MID2: variants seen among roughly 807,000 people sequenced by gnomAD.
The protein encoded by MID2 is probable E3 ubiquitin-protein ligase MID2.
MID2 carries 13 observed loss-of-function variants against 46.1 expected under a neutral mutation model. The ratio of observed to expected loss-of-function variants is 0.28; its 90% CI spans 0.18 to 0.45. MID2 has a LOEUF of 0.45. Among genes scored for constraint, MID2 ranks in the 20% least tolerant of loss-of-function variants. The pLI, the probability that MID2 is intolerant of heterozygous loss-of-function variation, is 1.00. For synonymous variants in MID2, 199 were observed against 212.3 expected, an observed-to-expected ratio of 0.94 and a Z score of 0.55; for missense variants, 431 against 575.4, an observed-to-expected ratio of 0.75 and a Z score of 2.57.
intron 1 of MID2, 34 bp downstream of exon 1, chrX:107,826,464 T>C (rs1218311051): frequency 8.9e-7 from 1 of 1,128,159 alleles, no homozygotes. Flanking sequence ...GCCCTGGAGG[T>C]CGAGCGTCGT....
chrX:107,907,332 C>A (rs989290987), intron 5 of MID2, among the ~76,000 whole-genome samples: 11 of 112,171 alleles, frequency 9.8e-5, no homozygotes, highest in African/African-American at 3.2e-4. Flanking sequence ...GTACTTACCT[C>A]AAAATTCCAA....
chrX:107,836,035 A>G (rs1299800589), intron 1 of MID2, among the ~76,000 whole-genome samples: 1 of 111,912 alleles, frequency 8.9e-6, no homozygotes, highest in Non-Finnish European at 1.9e-5. Flanking sequence ...GTTAATTTTT[A>G]TAAATGATAT....
At chrX:107,849,548 A>T (rs1406459771) in intron 2 of MID2, among the ~76,000 whole-genome samples, 4 of 111,743 alleles carry the variant, frequency 3.6e-5, no homozygotes, top group East Asian at 5.6e-4. Flanking sequence ...GTCTGGAAGA[A>T]GAATAGCCTG....
intron 3 of MID2, among the ~76,000 whole-genome samples, chrX:107,882,505 G>GA (rs201112582): frequency 0.035 from 3,893 of 110,213 alleles, 190 homozygotes; most frequent in African/African-American, 0.12. Flanking sequence ...AAATTTACAA[G>GA]AAAAAAAACA....
chrX:107,872,257 A>G lies in MID2; in HGVS notation c.816+17553A>G, dbSNP rs774278728. On this transcript the variant is annotated intron_variant, in intron 3 of 9. Transcript: ENST00000262843. ...GATGGCCTCTAGGTGCAAAGAAACA[A>G]GTTTTACAGGGTTAAGTATGCATGG... Among the ~76,000 whole-genome samples, 21 of 112,228 alleles carry G rather than the reference A, an allele frequency of 1.9e-4. 1 individual carries two copies. Among genetic ancestry groups the G allele is most frequent in the Admixed American group, 2.8e-4 (3 of 10,664 alleles).
chrX:107,854,764 G>A, intron 3 of MID2, 60 bp downstream of exon 3: 3 of 857,931 alleles, frequency 3.5e-6, no homozygotes, highest in Non-Finnish European at 5.2e-6. Context: ...CCCTTTGGGA[G>A]GACTTCAGTT....
At chrX:107,922,638 T>C (rs1229387184) in intron 7 of MID2, among the ~76,000 whole-genome samples, 1 of 112,051 alleles carries the variant, frequency 8.9e-6, no homozygotes, top group Non-Finnish European at 1.9e-5. Context: ...TTTTTATTGT[T>C]GTTGCTTTGT....
At chrX:107,862,706 G>C (rs1252927754) in intron 3 of MID2, among the ~76,000 whole-genome samples, 1 of 112,280 alleles carries the variant, frequency 8.9e-6, no homozygotes, top group Non-Finnish European at 1.9e-5. Flanking sequence ...GTTTTAGGGA[G>C]GGTCACATGC....
intron 3 of MID2, among the ~76,000 whole-genome samples, chrX:107,887,030 T>C (rs1258130539): frequency 2.3e-4 from 26 of 111,868 alleles, no homozygotes; most frequent in African/African-American, 7.2e-4. Flanking sequence ...TGGGCTGAGA[T>C]GATGGGGTTT....
intron 3 of MID2, among the ~76,000 whole-genome samples, chrX:107,870,614 C>T (rs1382387608): frequency 9.0e-6 from 1 of 111,236 alleles, no homozygotes; most frequent in Non-Finnish European, 1.9e-5. Flanking sequence ...AATATCTCTC[C>T]AATGGTGTGC....
intron 1 of MID2, among the ~76,000 whole-genome samples, chrX:107,833,360 T>TA (rs1931131576): frequency 9.1e-6 from 1 of 110,045 alleles, no homozygotes; most frequent in Non-Finnish European, 1.9e-5. Flanking sequence ...TCTAATACTT[T>TA]AAGGAAGAAC....
chrX:107,839,280 C>T (rs1931275771), intron 1 of MID2, among the ~76,000 whole-genome samples: 1 of 111,243 alleles, frequency 9.0e-6, no homozygotes, highest in Admixed American at 9.5e-5. Context: ...GAATTAGGTA[C>T]CTGTGTGTTC....
intron 1 of MID2, among the ~76,000 whole-genome samples, chrX:107,827,976 G>A (rs771888912): frequency 1.7e-3 from 187 of 112,416 alleles, no homozygotes; most frequent in Non-Finnish European, 3.2e-3. Context: ...AGTGTTGGAG[G>A]TGGGGCCTGA....
intron 2 of MID2, among the ~76,000 whole-genome samples, chrX:107,850,948 C>T (rs1314782388): frequency 1.8e-5 from 2 of 112,138 alleles, no homozygotes; most frequent in African/African-American, 6.5e-5. Flanking sequence ...CATGGAATCC[C>T]ATGTTTGAAT....
At chrX:107,871,598 G>T (rs766186604) in intron 3 of MID2, among the ~76,000 whole-genome samples, 2 of 111,377 alleles carry the variant, frequency 1.8e-5, no homozygotes, top group Non-Finnish European at 3.8e-5. Context: ...GAATGAGGTC[G>T]CATGAACAAA....
In MID2 at chrX:107,841,052, C is replaced by T. The variant is rs768308937; in HGVS notation, c.387C>T (p.Thr129=). Reference sequence around the variant, plus strand: ...GCCGGGAAAGGACTTACAGGCCCACCACTGCCATGTCTAGCGAGCGAATTG... The same window carrying T: ...GCCGGGAAAGGACTTACAGGCCCACTACTGCCATGTCTAGCGAGCGAATTG... ...ESRRERTYRP[T]TAMSSERIAC... The change falls in exon 2 of 10, where the codon ACC becomes ACT. Residue 129 remains threonine (T), a synonymous_variant. Coordinates refer to ENST00000262843, the MANE Select transcript of MID2 (RefSeq NM_012216.4). 8.3e-7 allele frequency: 1 copy of T among 1,209,604 alleles called. No homozygotes were observed. Among genetic ancestry groups the T allele is most frequent in the African/African-American group, 1.8e-5 (1 of 56,994 alleles).
chrX:107,924,616 G>C, intron 8 of MID2, 112 bp downstream of exon 8: 1 of 818,435 alleles, frequency 1.2e-6, no homozygotes, highest in Non-Finnish European at 1.8e-6. Flanking sequence ...GTACTGGGTA[G>C]AGGAGCTATA....
At chrX:107,878,845 C>T (rs1932259188) in intron 3 of MID2, among the ~76,000 whole-genome samples, 1 of 112,255 alleles carries the variant, frequency 8.9e-6, no homozygotes, top group Admixed American at 9.4e-5. Flanking sequence ...ATTTACTCAC[C>T]CTTCTGACGT....
At chrX:107,926,066 C>CT (rs763123967) in intron 8 of MID2, 28 bp from the exon 9 acceptor site, 49,094 of 674,118 alleles carry the variant, frequency 0.073, no homozygotes, top group Non-Finnish European at 0.081. Flanking sequence ...AGTGCTTTTT[C>CT]TTTTTTTTTT....
Sources: allele counts gnomAD v4.1 joint callset (sites outside exome capture counted in the v4.1 genomes callset), GRCh38; gene constraint gnomAD v4.1.1; transcripts MANE v1.5; gene names NCBI Gene and HGNC (gene_info 2026-07-23, HGNC 2026-07-21).